Variants in OXR1 observed in about 807,000 individuals in gnomAD.
The protein encoded by OXR1 is oxidation resistance protein 1.
Under a neutral mutation model 104.6 loss-of-function variants are expected in OXR1, and 41 were observed. The observed-to-expected ratio is 0.39, with a 90% CI of 0.31 to 0.51. The LOEUF is 0.51. Among genes scored for constraint, OXR1 ranks in the 20% least tolerant of loss-of-function variants. The pLI is 0.77. For missense variants in OXR1, 955 were observed against 1,031.9 expected (o/e 0.93, Z 1.02); for synonymous variants, 348 against 348.4 (o/e 1.00, Z 0.01).
At chr8:106,726,725 A>G (rs1490568917) in intron 11 of OXR1, among the ~76,000 whole-genome samples, 3 of 152,190 alleles carry the variant, frequency 2.0e-5, no homozygotes, top group Non-Finnish European at 4.4e-5. Flanking sequence ...ACTTAAGGGT[A>G]TAATTTTAAG....
At chr8:106,503,772 G>T (rs964339177) in intron 2 of OXR1, among the ~76,000 whole-genome samples, 6 of 152,150 alleles carry the variant, frequency 3.9e-5, no homozygotes, top group Non-Finnish European at 1.5e-5. Flanking sequence ...GAGAGAACTG[G>T]CCTGAAAGAG....
intron 2 of OXR1, among the ~76,000 whole-genome samples, chr8:106,399,639 G>A (rs1817921883): frequency 6.6e-6 from 1 of 152,158 alleles, no homozygotes; most frequent in Non-Finnish European, 1.5e-5. Flanking sequence ...ATAACCCAGA[G>A]TCATACAGGG....
intron 1 of OXR1, among the ~76,000 whole-genome samples, chr8:106,353,983 C>A (rs1349450231): frequency 6.6e-6 from 1 of 151,800 alleles, no homozygotes; most frequent in African/African-American, 2.4e-5. Context: ...TGACTGAGAT[C>A]ATACAATATT....
chr8:106,352,017 G>A (rs1182431335), intron 1 of OXR1, among the ~76,000 whole-genome samples: 3 of 152,116 alleles, frequency 2.0e-5, no homozygotes, highest in East Asian at 1.9e-4. Flanking sequence ...TCTCTACTCT[G>A]CAGTTCTTAT....
chr8:106,309,578 C>G (rs902107552), intron 1 of OXR1, among the ~76,000 whole-genome samples: 1 of 151,794 alleles, frequency 6.6e-6, no homozygotes, highest in African/African-American at 2.4e-5. Context: ...TTATTGAAGA[C>G]TTTTCTGCCT....
intron 1 of OXR1, among the ~76,000 whole-genome samples, chr8:106,343,979 C>T (rs1236440978): frequency 6.6e-6 from 1 of 152,128 alleles, no homozygotes; most frequent in Non-Finnish European, 1.5e-5. Context: ...ACTTTCTTAC[C>T]TAATAAATTC....
intron 3 of OXR1, among the ~76,000 whole-genome samples, chr8:106,564,426 C>T (rs560228626): frequency 6.6e-5 from 10 of 151,728 alleles, no homozygotes; most frequent in South Asian, 2.1e-4. Flanking sequence ...CACACACCCC[C>T]GCCCCACCAC....
At chr8:106,325,739 C>T (rs896197625) in intron 1 of OXR1, among the ~76,000 whole-genome samples, 1 of 152,050 alleles carries the variant, frequency 6.6e-6, no homozygotes, top group African/African-American at 2.4e-5. Flanking sequence ...GGAATATACC[C>T]ATAAAGAGAA....
intron 2 of OXR1, among the ~76,000 whole-genome samples, chr8:106,454,775 A>T (rs1347401782): frequency 3.3e-5 from 5 of 151,778 alleles, no homozygotes; most frequent in Non-Finnish European, 5.9e-5. Flanking sequence ...TCACACTTTT[A>T]CTCCAGACTA....
At chr8:106,591,791 C>A (rs1183678610) in intron 3 of OXR1, among the ~76,000 whole-genome samples, 1 of 152,150 alleles carries the variant, frequency 6.6e-6, no homozygotes, top group African/African-American at 2.4e-5. Flanking sequence ...TTGAAAACTC[C>A]ATTTTTACAG....
At chr8:106,443,179 A>C (rs1819863285) in intron 2 of OXR1, among the ~76,000 whole-genome samples, 1 of 152,146 alleles carries the variant, frequency 6.6e-6, no homozygotes, top group Admixed American at 6.6e-5. Flanking sequence ...TCATTCAGGA[A>C]CACGTTGTTC....
At chr8:106,311,882 G>A (rs1009691634) in intron 1 of OXR1, among the ~76,000 whole-genome samples, 8 of 151,802 alleles carry the variant, frequency 5.3e-5, no homozygotes, top group Admixed American at 2.0e-4. Flanking sequence ...TCACTTTCCG[G>A]CATTTATAAT....
chr8:106,554,978 C>A (rs1025176752), intron 3 of OXR1, among the ~76,000 whole-genome samples: 5 of 152,062 alleles, frequency 3.3e-5, no homozygotes, highest in Admixed American at 2.6e-4. Context: ...TATAATAAAA[C>A]AAATTAATGT....
At chr8:106,295,770 T>C (rs966765686) in intron 1 of OXR1, among the ~76,000 whole-genome samples, 1 of 152,216 alleles carries the variant, frequency 6.6e-6, no homozygotes, top group Non-Finnish European at 1.5e-5. Flanking sequence ...CCAGGTGCCA[T>C]TAAAGTGCTA....
chr8:106,715,861 C>T (rs1320750230), intron 11 of OXR1, among the ~76,000 whole-genome samples: 1 of 152,098 alleles, frequency 6.6e-6, no homozygotes, highest in Non-Finnish European at 1.5e-5. Flanking sequence ...CTCACCAGTC[C>T]TTTGACCGGA....
At chr8:106,460,893 A>G (rs772393528) in intron 2 of OXR1, among the ~76,000 whole-genome samples, 3 of 152,060 alleles carry the variant, frequency 2.0e-5, no homozygotes, top group Non-Finnish European at 4.4e-5. Context: ...ATATATTTCT[A>G]TATTAGAAGT....
intron 1 of OXR1, among the ~76,000 whole-genome samples, chr8:106,271,497 G>T (rs551948318): frequency 6.6e-6 from 1 of 152,080 alleles, no homozygotes; most frequent in Non-Finnish European, 1.5e-5. Context: ...TTTTTGGCCG[G>T]GAAGTCAGGC....
intron 2 of OXR1, among the ~76,000 whole-genome samples, chr8:106,411,404 G>T (rs1818450733): frequency 6.6e-6 from 1 of 152,136 alleles, no homozygotes. Flanking sequence ...CACATAATGT[G>T]CACATGATGG....
At chr8:106,676,041 C>T (rs1827555099) in intron 3 of OXR1, among the ~76,000 whole-genome samples, 1 of 151,878 alleles carries the variant, frequency 6.6e-6, no homozygotes, top group Non-Finnish European at 1.5e-5. Flanking sequence ...TTATGTAATG[C>T]CCTTCTTTGT....
Sources: gnomAD v4.1 joint callset for allele counts (sites outside exome capture counted in the v4.1 genomes callset) on GRCh38, gnomAD v4.1.1 for gene constraint, MANE v1.5 for transcripts, NCBI Gene and HGNC (gene_info 2026-07-23, HGNC 2026-07-21) for gene names.